NRP1: variants seen among roughly 807,000 people sequenced by gnomAD.
The protein encoded by NRP1 is neuropilin-1.
NRP1 carries 35 observed loss-of-function variants against 106.7 expected under a neutral mutation model. The observed-to-expected ratio is 0.33, with a 90% CI of 0.25 to 0.43. The LOEUF (loss-of-function observed/expected upper bound fraction) is 0.43. Among genes scored for constraint, NRP1 ranks in the 20% least tolerant of loss-of-function variants. The pLI, the probability that NRP1 is intolerant of heterozygous loss-of-function variation, is 1.00. For synonymous variants in NRP1, 437 were observed against 417.9 expected (o/e 1.05, Z -0.56); for missense variants, 1,024 against 1,170.4 (o/e 0.87, Z 1.83).
intron 4 of NRP1, among the ~76,000 whole-genome samples, chr10:33,256,966 T>C (rs1016477101): frequency 2.0e-4 from 31 of 152,166 alleles, no homozygotes; most frequent in African/African-American, 4.8e-4. Context: ...TGATCCACGA[T>C]TGACCTGCAA....
chr10:33,300,148 A>G (rs1384622730), intron 2 of NRP1, among the ~76,000 whole-genome samples: 1 of 152,142 alleles, frequency 6.6e-6, no homozygotes, highest in East Asian at 1.9e-4. Context: ...CCCTGTGTAC[A>G]TTTAGGCCTA....
intron 2 of NRP1, among the ~76,000 whole-genome samples, chr10:33,318,784 G>A (rs61843241): frequency 0.97 from 138,986 of 142,914 alleles, 67,604 homozygotes; most frequent in East Asian, 0.99. Flanking sequence ...CCAAAACCAC[G>A]ATAACTTTTG....
intron 2 of NRP1, among the ~76,000 whole-genome samples, chr10:33,317,540 CATA>C (rs1458675471): frequency 6.6e-6 from 1 of 152,216 alleles, no homozygotes; most frequent in Non-Finnish European, 1.5e-5. Flanking sequence ...TGGAAAGGAA[CATA>C]ATGACACTAT....
rs536251971 is a variant in NRP1, at chr10:33,282,956, G to C, written c.249-12100C>G. ...AGACAGGGTTTCACTATGTTGGCCA[G>C]GCTGATCTTGAACTCCTGACCTCAT... is the stretch of plus-strand genomic sequence containing the variant. On this transcript the variant is annotated intron_variant, in intron 2 of 16. Coordinates refer to ENST00000374867, the MANE Select transcript of NRP1 (RefSeq NM_003873.7). Among the ~76,000 whole-genome samples, 39 of 152,260 alleles carry C rather than the reference G, an allele frequency of 2.6e-4. No individual in the cohort carries two copies. In the South Asian group the frequency reaches 7.9e-3, roughly 31 times the overall value.
At chr10:33,251,802 G>A (rs896859452) in intron 6 of NRP1, among the ~76,000 whole-genome samples, 1 of 152,112 alleles carries the variant, frequency 6.6e-6, no homozygotes, top group Non-Finnish European at 1.5e-5. Context: ...TTCTACCTTA[G>A]TGAGAGCTCC....
intron 15 of NRP1, among the ~76,000 whole-genome samples, chr10:33,185,193 G>A (rs934309643): frequency 1.6e-4 from 25 of 152,110 alleles, no homozygotes; most frequent in African/African-American, 6.0e-4. Context: ...TGGCTTCTAT[G>A]GTTCATTAAC....
At chr10:33,256,977 T>C (rs1352598550) in intron 4 of NRP1, among the ~76,000 whole-genome samples, 6 of 152,178 alleles carry the variant, frequency 3.9e-5, no homozygotes, top group Non-Finnish European at 7.4e-5. Context: ...TGACCTGCAA[T>C]TGGCTTCCTC....
chr10:33,249,731 T>G (rs573115965), intron 6 of NRP1, among the ~76,000 whole-genome samples: 1 of 152,274 alleles, frequency 6.6e-6, no homozygotes, highest in South Asian at 2.1e-4. Context: ...GGATATGAAG[T>G]GGCTTTTTGA....
At chr10:33,310,540 C>T (rs536895153) in intron 2 of NRP1, among the ~76,000 whole-genome samples, 29 of 151,608 alleles carry the variant, frequency 1.9e-4, no homozygotes, top group Middle Eastern at 3.4e-3. Context: ...AGTGAGCCAC[C>T]GCGCCCAGCT....
chr10:33,271,762 T>TTA (rs1351424763), intron 2 of NRP1, among the ~76,000 whole-genome samples: 2 of 152,202 alleles, frequency 1.3e-5, no homozygotes, highest in Non-Finnish European at 2.9e-5. Flanking sequence ...TACAAAGCCA[T>TTA]CACCAATACA....
At chr10:33,241,892 T>G (rs1297030266) in intron 6 of NRP1, among the ~76,000 whole-genome samples, 1 of 152,230 alleles carries the variant, frequency 6.6e-6, no homozygotes, top group East Asian at 1.9e-4. Flanking sequence ...ATTCTTAATC[T>G]GTTTGAATTA....
At position 33,297,097 on chromosome 10, in the gene NRP1, T is replaced by A. The variant is rs144465417; in HGVS notation, c.249-26241A>T. Among the ~76,000 whole-genome samples, 6 of 152,306 alleles carry A rather than the reference T, an allele frequency of 3.9e-5. 1 individual carries two copies. In the East Asian group the frequency reaches 1.2e-3, roughly 29 times the overall value. ...ATAAATCACAAATTGGAAGCCAACA[T>A]AAGCTGTAATGCAAAGCAAGCACTG... On this transcript the variant is annotated intron_variant, in intron 2 of 16. Coordinates refer to ENST00000374867, the MANE Select transcript of NRP1 (RefSeq NM_003873.7).
intron 2 of NRP1, among the ~76,000 whole-genome samples, chr10:33,284,896 CT>C (rs1243964952): frequency 6.6e-6 from 1 of 152,112 alleles, no homozygotes; most frequent in Non-Finnish European, 1.5e-5. Flanking sequence ...TTGCTATGTG[CT>C]ATTTTGAAAA....
chr10:33,278,781 G>A (rs981134150), intron 2 of NRP1, among the ~76,000 whole-genome samples: 1 of 152,006 alleles, frequency 6.6e-6, no homozygotes, highest in Non-Finnish European at 1.5e-5. Context: ...AGCTCACAAA[G>A]CTAATCTCAC....
intron 3 of NRP1, among the ~76,000 whole-genome samples, chr10:33,268,971 G>A (rs1037715439): frequency 2.3e-4 from 35 of 152,170 alleles, no homozygotes; most frequent in African/African-American, 8.2e-4. Flanking sequence ...AGAAGTTGTC[G>A]CAACGTTTCC....
intron 13 of NRP1, among the ~76,000 whole-genome samples, chr10:33,190,480 C>A (rs1448669788): frequency 1.3e-5 from 2 of 152,134 alleles, no homozygotes; most frequent in Non-Finnish European, 2.9e-5. Flanking sequence ...TCTCATTAGG[C>A]AAGGAGGTGG....
At chr10:33,272,648 C>T (rs1843388683) in intron 2 of NRP1, among the ~76,000 whole-genome samples, 1 of 152,184 alleles carries the variant, frequency 6.6e-6, no homozygotes, top group Non-Finnish European at 1.5e-5. Flanking sequence ...TAAAGCCCCA[C>T]AAGCTAGCAT....
intron 6 of NRP1, among the ~76,000 whole-genome samples, chr10:33,234,307 ACCCAGGACTTATAC>A (rs1452089320): frequency 6.6e-6 from 1 of 152,122 alleles, no homozygotes; most frequent in Non-Finnish European, 1.5e-5. Context: ...CCAGTGTTTG[ACCCAGGACTTATAC>A]CCCAGAGAAG....
intron 7 of NRP1, among the ~76,000 whole-genome samples, chr10:33,222,591 G>A (rs1432223382): frequency 6.6e-6 from 1 of 151,866 alleles, no homozygotes; most frequent in African/African-American, 2.4e-5. Flanking sequence ...TGCGATCTCG[G>A]CTCACTGCGG....
Sources: allele counts gnomAD v4.1 joint callset (sites outside exome capture counted in the v4.1 genomes callset), GRCh38; gene constraint gnomAD v4.1.1; transcripts MANE v1.5; gene names NCBI Gene and HGNC (gene_info 2026-07-23, HGNC 2026-07-21).